The following GABRA3 variants were observed in gnomAD, a reference collection of about 807,000 sequenced individuals.
GABRA3 encodes gamma-aminobutyric acid type A receptor subunit alpha3.
GABRA3 carries 10 observed loss-of-function variants against 30.1 expected under a neutral mutation model. The ratio of observed to expected loss-of-function variants is 0.33; its 90% confidence interval spans 0.20 to 0.56. GABRA3 has a LOEUF of 0.56. Ranked by LOEUF, GABRA3 falls within the 20% of genes least tolerant of loss-of-function variation. GABRA3 has a pLI of 0.89. For synonymous variants in GABRA3, 151 were observed against 146.8 expected, an observed-to-expected ratio of 1.03 and a Z score of -0.21; for missense variants, 233 against 392.0, an observed-to-expected ratio of 0.59 and a Z score of 3.42.
chrX:152,387,927 T>C (rs1398614764), intron 1 of GABRA3, among the ~76,000 whole-genome samples: 2 of 111,501 alleles, frequency 1.8e-5, no homozygotes, highest in African/African-American at 6.5e-5. Context: ...ACTCAGTAAC[T>C]GCACTTCTAG....
chrX:152,425,603 G>T lies in GABRA3; in HGVS notation c.-27+25543C>A, dbSNP rs187163719. On this transcript the variant is annotated intron_variant, in intron 1 of 9. Coordinates refer to ENST00000370314, the MANE Select transcript of GABRA3 (RefSeq NM_000808.4). ...AACTAGGGTTATGGGTTCGGGGAAA[G>T]AACACTATCTAAGTAATATTGTGCC... 2.8e-3 allele frequency among the ~76,000 whole-genome samples: 313 copies of T among 111,607 alleles called. 9 individuals carry two copies. Among genetic ancestry groups the T allele is most frequent in the Admixed American group, 0.023 (245 of 10,488 alleles).
intron 7 of GABRA3, among the ~76,000 whole-genome samples, chrX:152,199,359 T>C (rs1421579675): frequency 1.2e-4 from 13 of 104,330 alleles, no homozygotes; most frequent in South Asian, 4.5e-4. Context: ...GGCGAGACTC[T>C]GTCTCAAAAA....
chrX:152,196,410 A>AG (rs1201255249), intron 8 of GABRA3, among the ~76,000 whole-genome samples: 4 of 106,211 alleles, frequency 3.8e-5, no homozygotes, highest in African/African-American at 1.4e-4. Flanking sequence ...AAAAAAAAGA[A>AG]AAAAAAAAAA....
At chrX:152,364,743 C>T in intron 1 of GABRA3, 147 bp from the exon 2 acceptor site, 1 of 399,207 alleles carries the variant, frequency 2.5e-6, no homozygotes, top group Non-Finnish European at 4.1e-6. Context: ...TTACTCAGTG[C>T]TTAATTCAAC....
At chrX:152,435,892 A>T (rs1930767094) in intron 1 of GABRA3, among the ~76,000 whole-genome samples, 1 of 111,888 alleles carries the variant, frequency 8.9e-6, no homozygotes, top group Admixed American at 9.5e-5. Context: ...AAATATCAGA[A>T]GTTAAAATTT....
At chrX:152,371,261 G>A (rs975047515) in intron 1 of GABRA3, among the ~76,000 whole-genome samples, 1 of 111,609 alleles carries the variant, frequency 9.0e-6, no homozygotes, top group Admixed American at 9.5e-5. Context: ...TCTGGGAGAA[G>A]AAATAACTCT....
intron 3 of GABRA3, among the ~76,000 whole-genome samples, chrX:152,338,769 A>G (rs761298013): frequency 1.2e-4 from 14 of 112,062 alleles, no homozygotes; most frequent in Non-Finnish European, 2.4e-4. Flanking sequence ...TTTTCCCAGC[A>G]TTATTTGTTG....
At chrX:152,191,886 C>A (rs766021381) in intron 8 of GABRA3, among the ~76,000 whole-genome samples, 2 of 111,851 alleles carry the variant, frequency 1.8e-5, no homozygotes, top group South Asian at 7.4e-4. Context: ...ATAGCTAATA[C>A]TTATTAACAA....
At chrX:152,364,839 G>A (rs890169727) in intron 1 of GABRA3, among the ~76,000 whole-genome samples, 1 of 111,303 alleles carries the variant, frequency 9.0e-6, no homozygotes, top group African/African-American at 3.3e-5. Flanking sequence ...ATCCAAGAAA[G>A]GATGCACAGT....
chrX:152,383,388 C>CAAAA (rs34736587), intron 1 of GABRA3, among the ~76,000 whole-genome samples: 113 of 35,337 alleles, frequency 3.2e-3, no homozygotes, highest in African/African-American at 7.9e-3. Context: ...GACTCCATCT[C>CAAAA]AAAAAAAAAA....
At chrX:152,172,756 T>G (rs1399524790) in intron 9 of GABRA3, among the ~76,000 whole-genome samples, 2 of 111,448 alleles carry the variant, frequency 1.8e-5, no homozygotes, top group Non-Finnish European at 3.8e-5. Context: ...AGCAAATTCA[T>G]AGAGACAGAA....
intron 5 of GABRA3, 83 bp from the exon 6 acceptor site, chrX:152,224,928 A>G: frequency 1.6e-6 from 1 of 625,611 alleles, no homozygotes; most frequent in Middle Eastern, 3.4e-4. Context: ...TCAGTTCCTA[A>G]GAATAACGAG....
chrX:152,250,850 G>A (rs904173877), intron 5 of GABRA3, among the ~76,000 whole-genome samples: 1 of 110,814 alleles, frequency 9.0e-6, no homozygotes. Context: ...AGATTCCTGA[G>A]GGTCAAAATA....
At chrX:152,201,204 T>C (rs1462594207) in intron 7 of GABRA3, among the ~76,000 whole-genome samples, 1 of 111,974 alleles carries the variant, frequency 8.9e-6, no homozygotes, top group African/African-American at 3.3e-5. Context: ...TCCATCTCTA[T>C]ATATCTTCTT....
chrX:152,358,600 G>A (rs1940586873), intron 2 of GABRA3, among the ~76,000 whole-genome samples: 1 of 111,136 alleles, frequency 9.0e-6, no homozygotes. Context: ...TAGTGAGAGA[G>A]GGCATCCATG....
chrX:152,287,689 A>G (rs1012754727), intron 3 of GABRA3, among the ~76,000 whole-genome samples: 1 of 111,539 alleles, frequency 9.0e-6, no homozygotes, highest in African/African-American at 3.3e-5. Flanking sequence ...GGATGGCTTG[A>G]TGGCAATCCC....
intron 3 of GABRA3, among the ~76,000 whole-genome samples, chrX:152,344,433 G>A (rs55747036): frequency 0.12 from 13,107 of 111,211 alleles, 631 homozygotes; most frequent in African/African-American, 0.16. Context: ...ATGTCATTTA[G>A]TAAGTGTAGA....
intron 1 of GABRA3, among the ~76,000 whole-genome samples, chrX:152,371,860 G>A (rs1380753318): frequency 3.6e-5 from 4 of 111,615 alleles, no homozygotes; most frequent in Non-Finnish European, 7.5e-5. Flanking sequence ...CAGCCAAAAA[G>A]TGAATCAATG....
At chrX:152,406,591 T>TATAC (rs1046939079) in intron 1 of GABRA3, among the ~76,000 whole-genome samples, 1 of 105,032 alleles carries the variant, frequency 9.5e-6, no homozygotes, top group Non-Finnish European at 1.9e-5. Flanking sequence ...TATATATATA[T>TATAC]ATATTTTTAT....
Sources: gnomAD v4.1 joint callset for allele counts (sites outside exome capture counted in the v4.1 genomes callset) on GRCh38, gnomAD v4.1.1 for gene constraint, MANE v1.5 for transcripts, NCBI Gene and HGNC (gene_info 2026-07-23, HGNC 2026-07-21) for gene names.